Variants in CACNB2 observed in about 807,000 individuals in gnomAD.
The protein encoded by CACNB2 is calcium voltage-gated channel auxiliary subunit beta 2.
CACNB2 carries 42 observed loss-of-function variants against 73.3 expected under a neutral mutation model. The ratio of observed to expected loss-of-function variants is 0.57; its 90% CI spans 0.45 to 0.74. The LOEUF is 0.74. CACNB2 is among the 30% of genes least tolerant of loss of function. CACNB2 has a pLI of 0.00. For missense variants in CACNB2, 940 were observed against 853.0 expected, an observed-to-expected ratio of 1.10 and a Z score of -1.27; for synonymous variants, 348 against 310.3, an observed-to-expected ratio of 1.12 and a Z score of -1.28.
In CACNB2 at chr10:18,442,912, A is replaced by ATATATATATATATG. The variant is rs1355959429; in HGVS notation, c.333+40883_333+40896dup. 5.0e-4 allele frequency among the ~76,000 whole-genome samples: 25 copies of ATATATATATATATG among 49,968 alleles called. 2 individuals carry two copies. Among genetic ancestry groups the ATATATATATATATG allele is most frequent in the Non-Finnish European group, 6.6e-4 (21 of 31,614 alleles). The allele number at this position is 49,968 out of a possible 152,430, so 32.8% of individuals were successfully genotyped here. A position where few individuals can be genotyped will look rare whatever the true frequency, so the allele number is the denominator to read the frequency against. On this transcript the variant is annotated intron_variant, in intron 3 of 13. Transcript: ENST00000324631. ...TGTTGGGTCTACATGTAAAAACAAT[A>ATATATATATATATG]TATATATATATATGTATATATATAT...
chr10:18,354,069 C>T (rs548967386), intron 2 of CACNB2, among the ~76,000 whole-genome samples: 5 of 152,260 alleles, frequency 3.3e-5, no homozygotes, highest in Admixed American at 3.3e-4. Flanking sequence ...CCTTAATTAG[C>T]TGGGTGACAT....
At chr10:18,300,858 AAAAT>A (rs146194009) in intron 2 of CACNB2, among the ~76,000 whole-genome samples, 47,617 of 151,760 alleles carry the variant, frequency 0.31, 7,827 homozygotes, top group Admixed American at 0.37. Flanking sequence ...CAAAAAAATA[AAAAT>A]AAAAAGCGCA....
chr10:18,272,029 C>CT (rs1314663604), intron 2 of CACNB2, among the ~76,000 whole-genome samples: 2 of 151,902 alleles, frequency 1.3e-5, no homozygotes, highest in African/African-American at 2.4e-5. Context: ...TTCTTCCTTT[C>CT]TTTTTTCTTT....
At chr10:18,387,647 A>G (rs538781983) in intron 2 of CACNB2, among the ~76,000 whole-genome samples, 4 of 152,318 alleles carry the variant, frequency 2.6e-5, no homozygotes, top group Admixed American at 2.0e-4. Flanking sequence ...TCTTAATAGT[A>G]GAAGGATCTA....
intron 2 of CACNB2, among the ~76,000 whole-genome samples, chr10:18,296,576 G>C (rs184779808): frequency 6.6e-5 from 10 of 152,196 alleles, no homozygotes; most frequent in African/African-American, 2.4e-4. Context: ...ATATTCACTA[G>C]CCAGCCATAA....
intron 2 of CACNB2, among the ~76,000 whole-genome samples, chr10:18,169,768 C>T (rs1045286805): frequency 5.9e-5 from 9 of 152,142 alleles, no homozygotes; most frequent in Non-Finnish European, 1.0e-4. Context: ...CAGAATTTCC[C>T]TATGCTGATC....
intron 2 of CACNB2, among the ~76,000 whole-genome samples, chr10:18,278,426 A>G (rs1171015558): frequency 1.3e-5 from 2 of 152,096 alleles, no homozygotes; most frequent in Middle Eastern, 3.2e-3. Context: ...GACGTAGGCA[A>G]TTGGATTTGA....
At chr10:18,271,253 T>C (rs1405011693) in intron 2 of CACNB2, among the ~76,000 whole-genome samples, 2 of 152,318 alleles carry the variant, frequency 1.3e-5, no homozygotes, top group Admixed American at 6.5e-5. Context: ...CTTTTCCCGA[T>C]TTAGATGATA....
At chr10:18,229,588 A>C (rs1349002006) in intron 2 of CACNB2, among the ~76,000 whole-genome samples, 1 of 152,230 alleles carries the variant, frequency 6.6e-6, no homozygotes, top group Non-Finnish European at 1.5e-5. Flanking sequence ...AATATTTAGC[A>C]GCATGAAAAA....
At chr10:18,310,743 C>A (rs2039934356) in intron 2 of CACNB2, among the ~76,000 whole-genome samples, 1 of 150,338 alleles carries the variant, frequency 6.7e-6, no homozygotes, top group Non-Finnish European at 1.5e-5. Context: ...CCATGCCTGG[C>A]TAATTTTTTT....
chr10:18,141,307 G>C, intron 1 of CACNB2: 2 of 1,144,360 alleles, frequency 1.7e-6, no homozygotes, highest in Admixed American at 2.0e-5. Flanking sequence ...GGGTGGGCGT[G>C]GGTGTGAGGA....
At chr10:18,194,106 A>G (rs952786151) in intron 2 of CACNB2, among the ~76,000 whole-genome samples, 1 of 152,102 alleles carries the variant, frequency 6.6e-6, no homozygotes. Context: ...ATCAGAGTTT[A>G]TCCAGACAGA....
intron 2 of CACNB2, among the ~76,000 whole-genome samples, chr10:18,243,154 G>A (rs1254493378): frequency 2.0e-5 from 3 of 151,764 alleles, no homozygotes; most frequent in Non-Finnish European, 4.4e-5. Flanking sequence ...AAACATCCTG[G>A]TAGATATTAA....
chr10:18,266,493 G>T (rs553498661), intron 2 of CACNB2, among the ~76,000 whole-genome samples: 2 of 151,904 alleles, frequency 1.3e-5, no homozygotes, highest in South Asian at 4.2e-4. Context: ...GAGATTTCTG[G>T]TTAGTAGAAT....
At chr10:18,263,504 AATAAT>A (rs1343197849) in intron 2 of CACNB2, among the ~76,000 whole-genome samples, 2 of 152,200 alleles carry the variant, frequency 1.3e-5, no homozygotes, top group Non-Finnish European at 2.9e-5. Flanking sequence ...TAATTACATA[AATAAT>A]ATATTTTAGA....
At chr10:18,206,700 C>T (rs1261748170) in intron 2 of CACNB2, 2 of 152,320 alleles carry the variant, frequency 1.3e-5, no homozygotes. Flanking sequence ...CTCCAGTCCT[C>T]TCCAAAAAGC....
intron 3 of CACNB2, among the ~76,000 whole-genome samples, chr10:18,491,054 T>A (rs1011703489): frequency 2.0e-5 from 3 of 152,228 alleles, no homozygotes; most frequent in African/African-American, 7.2e-5. Context: ...TTCCTGGTGT[T>A]CCCGTGAAAC....
At chr10:18,390,592 A>T (rs1406496380) in intron 2 of CACNB2, among the ~76,000 whole-genome samples, 2 of 152,168 alleles carry the variant, frequency 1.3e-5, no homozygotes, top group Non-Finnish European at 2.9e-5. Context: ...ATTCAGTTGC[A>T]TTCCTTTATA....
At chr10:18,429,449 C>G (rs1486119722) in intron 3 of CACNB2, among the ~76,000 whole-genome samples, 3 of 152,122 alleles carry the variant, frequency 2.0e-5, no homozygotes, top group African/African-American at 7.2e-5. Context: ...CCTGGAAAAC[C>G]CTCAACCATT....
Sources: allele counts gnomAD v4.1 joint callset (sites outside exome capture counted in the v4.1 genomes callset), GRCh38; gene constraint gnomAD v4.1.1; transcripts MANE v1.5; gene names NCBI Gene and HGNC (gene_info 2026-07-23, HGNC 2026-07-21).